The following PTPRK variants were observed in gnomAD, a reference collection of about 807,000 sequenced individuals.
PTPRK encodes the protein protein tyrosine phosphatase receptor type K.
In PTPRK, 75 loss-of-function variants were observed where a neutral mutation model predicts 178.0. The ratio of observed to expected loss-of-function variants is 0.42; its 90% confidence interval spans 0.35 to 0.51. PTPRK has a LOEUF of 0.51. Ranked by LOEUF, PTPRK falls within the 20% of genes least tolerant of loss-of-function variation. The pLI is 0.02. For synonymous variants in PTPRK, 637 were observed against 620.6 expected (o/e 1.03, Z -0.39); for missense variants, 1,441 against 1,797.8 (o/e 0.80, Z 3.59).
chr6:128,090,265 G>A (rs1042957375), intron 7 of PTPRK, among the ~76,000 whole-genome samples: 1 of 152,070 alleles, frequency 6.6e-6, no homozygotes, highest in East Asian at 1.9e-4. Context: ...AAATGTAGCC[G>A]CCATGCATTT....
intron 3 of PTPRK, among the ~76,000 whole-genome samples, chr6:128,304,359 C>G (rs963899944): frequency 6.6e-6 from 1 of 152,070 alleles, no homozygotes; most frequent in Non-Finnish European, 1.5e-5. Flanking sequence ...TAAATAAGTA[C>G]CCATGTTTCA....
chr6:128,199,258 CACA>C (rs1175616094), intron 6 of PTPRK, among the ~76,000 whole-genome samples: 2 of 152,064 alleles, frequency 1.3e-5, no homozygotes, highest in Admixed American at 6.6e-5. Flanking sequence ...GGCACAGTCA[CACA>C]ACAAGATTTC....
intron 1 of PTPRK, among the ~76,000 whole-genome samples, chr6:128,467,739 CT>C (rs1850062597): frequency 2.6e-5 from 4 of 151,626 alleles, no homozygotes; most frequent in Admixed American, 2.6e-4. Context: ...GGAATTTTTC[CT>C]TAGTATCAAT....
chr6:128,208,295 C>T (rs569436006), intron 6 of PTPRK, among the ~76,000 whole-genome samples: 1 of 139,558 alleles, frequency 7.2e-6, no homozygotes, highest in East Asian at 2.3e-4. Flanking sequence ...AGTCCTACAC[C>T]CTCAAAAAAA....
chr6:128,352,074 G>C lies in PTPRK; in HGVS notation c.224-29764C>G, dbSNP rs530660713. On this transcript the variant is annotated intron_variant, in intron 2 of 29. Transcript: ENST00000368226. ...GTTCGAGACCAGCCTGGCCAACATG[G>C]TGAAACCTGTCTCTACCAAAAATAC... 9.2e-5 allele frequency among the ~76,000 whole-genome samples: 14 copies of C among 151,844 alleles called. 1 individual carries two copies. Among genetic ancestry groups the C allele is most frequent in the Middle Eastern group, 3.4e-3 (1 of 294 alleles).
At chr6:128,434,280 C>T (rs1845227238) in intron 1 of PTPRK, among the ~76,000 whole-genome samples, 1 of 152,126 alleles carries the variant, frequency 6.6e-6, no homozygotes, top group African/African-American at 2.4e-5. Flanking sequence ...GTGGACTTTT[C>T]TCCTGAGCAA....
intron 2 of PTPRK, among the ~76,000 whole-genome samples, chr6:128,371,515 C>A (rs2128349070): frequency 6.6e-6 from 1 of 152,288 alleles, no homozygotes; most frequent in African/African-American, 2.4e-5. Context: ...AAATCCATTA[C>A]AATCTGCTGC....
intron 2 of PTPRK, among the ~76,000 whole-genome samples, chr6:128,368,988 A>C (rs1051446477): frequency 6.6e-6 from 1 of 152,054 alleles, no homozygotes; most frequent in South Asian, 2.1e-4. Context: ...ACAACAAAAA[A>C]ATCACCCAAG....
At chr6:128,135,429 T>A (rs1192065894) in intron 7 of PTPRK, among the ~76,000 whole-genome samples, 1 of 152,192 alleles carries the variant, frequency 6.6e-6, no homozygotes, top group Non-Finnish European at 1.5e-5. Context: ...TATAAGGAGT[T>A]GTTGTGTCTA....
chr6:128,351,712 C>A (rs775118038), intron 2 of PTPRK, among the ~76,000 whole-genome samples: 10 of 152,130 alleles, frequency 6.6e-5, no homozygotes, highest in Non-Finnish European at 1.2e-4. Context: ...ATGAAACTTA[C>A]ATGAAACAAA....
intron 14 of PTPRK, among the ~76,000 whole-genome samples, chr6:128,007,153 T>C (rs925815251): frequency 6.6e-6 from 1 of 150,974 alleles, no homozygotes; most frequent in African/African-American, 2.4e-5. Context: ...CTTTTTTATA[T>C]GTATGATAAA....
intron 5 of PTPRK, chr6:128,238,185 C>CAAAAAAAAAAAAAAAAAAAAA (rs58051125): frequency 1.1e-4 from 22 of 206,482 alleles, no homozygotes; most frequent in South Asian, 1.8e-4. Context: ...TAGCAAACGC[C>CAAAAAAAAAAAAAAAAAAAAA]AAAAAAAAAA....
intron 2 of PTPRK, among the ~76,000 whole-genome samples, chr6:128,375,821 T>C (rs950073042): frequency 2.0e-5 from 3 of 152,024 alleles, no homozygotes; most frequent in African/African-American, 7.2e-5. Flanking sequence ...ATAGGAGAAA[T>C]TGGCCAAAAC....
intron 28 of PTPRK, 109 bp downstream of exon 28, chr6:127,973,555 T>C: frequency 2.3e-6 from 3 of 1,277,882 alleles, no homozygotes; most frequent in Non-Finnish European, 3.2e-6. Context: ...TGTTTAAAAA[T>C]AACATCTATG....
At chr6:128,511,985 C>T (rs1410736592) in intron 1 of PTPRK, among the ~76,000 whole-genome samples, 4 of 152,142 alleles carry the variant, frequency 2.6e-5, no homozygotes, top group Non-Finnish European at 5.9e-5. Context: ...GAAAAGCTCT[C>T]TTCTCCAACA....
intron 7 of PTPRK, among the ~76,000 whole-genome samples, chr6:128,164,288 TAGAG>T (rs1799089733): frequency 6.6e-6 from 1 of 151,426 alleles, no homozygotes; most frequent in Non-Finnish European, 1.5e-5. Context: ...TAGCTCACTA[TAGAG>T]AAAGCATGTC....
intron 3 of PTPRK, among the ~76,000 whole-genome samples, chr6:128,310,099 TTTA>T (rs1429121729): frequency 6.6e-6 from 1 of 152,220 alleles, no homozygotes; most frequent in Non-Finnish European, 1.5e-5. Context: ...AAGCACATGC[TTTA>T]TTAAGTTAGT....
chr6:128,382,570 G>C (rs1024371727), intron 2 of PTPRK, among the ~76,000 whole-genome samples: 2 of 151,666 alleles, frequency 1.3e-5, no homozygotes, highest in African/African-American at 2.4e-5. Flanking sequence ...ACCATGCCTG[G>C]CTAATTTTTT....
chr6:127,983,999 T>A (rs915938284), intron 22 of PTPRK, among the ~76,000 whole-genome samples: 11 of 152,142 alleles, frequency 7.2e-5, no homozygotes, highest in African/African-American at 1.9e-4. Flanking sequence ...TGAAAATGAA[T>A]TATTAGGTGT....
Sources: allele counts gnomAD v4.1 joint callset (sites outside exome capture counted in the v4.1 genomes callset), GRCh38; gene constraint gnomAD v4.1.1; transcripts MANE v1.5; gene names NCBI Gene and HGNC (gene_info 2026-07-23, HGNC 2026-07-21).